Variants in IMMP2L observed in about 807,000 individuals in gnomAD.
The protein encoded by IMMP2L is mitochondrial inner membrane protease subunit 2.
In IMMP2L, 18 loss-of-function variants were observed where a neutral mutation model predicts 19.3. The ratio of observed to expected loss-of-function variants is 0.93; its 90% confidence interval spans 0.64 to 1.38. The LOEUF is 1.38. Ranked by LOEUF, IMMP2L falls within the 40% of genes most tolerant of loss-of-function variation. IMMP2L has a pLI of 0.00. For missense variants in IMMP2L, 233 were observed against 218.2 expected, an observed-to-expected ratio of 1.07 and a Z score of -0.43; for synonymous variants, 76 against 73.0, an observed-to-expected ratio of 1.04 and a Z score of -0.21.
intron 3 of IMMP2L, among the ~76,000 whole-genome samples, chr7:111,316,665 G>A (rs1201299026): frequency 1.3e-5 from 2 of 151,718 alleles, no homozygotes; most frequent in African/African-American, 4.8e-5. Flanking sequence ...GGAAAATAAA[G>A]TAATATGCAA....
chr7:111,166,948 C>T (rs1805885683), intron 3 of IMMP2L, among the ~76,000 whole-genome samples: 2 of 151,922 alleles, frequency 1.3e-5, no homozygotes, highest in African/African-American at 2.4e-5. Flanking sequence ...ATTGCATCTG[C>T]AAAGATTCCT....
chr7:111,465,625 A>T (rs1840575521), intron 3 of IMMP2L, among the ~76,000 whole-genome samples: 1 of 152,172 alleles, frequency 6.6e-6, no homozygotes, highest in South Asian at 2.1e-4. Context: ...CCACAATGAG[A>T]TACCATCTCA....
intron 5 of IMMP2L, among the ~76,000 whole-genome samples, chr7:110,837,510 C>T (rs10280436): frequency 0.81 from 122,833 of 152,066 alleles, 49,861 homozygotes; most frequent in African/African-American, 0.85. Flanking sequence ...TTAACACTTG[C>T]TACACAAAGA....
chr7:111,250,720 G>GA (rs1816005610), intron 3 of IMMP2L, among the ~76,000 whole-genome samples: 1 of 152,050 alleles, frequency 6.6e-6, no homozygotes, highest in Non-Finnish European at 1.5e-5. Context: ...ATTAAAACTG[G>GA]ACCCCTTCCT....
At chr7:111,273,139 T>A (rs1818656985) in intron 3 of IMMP2L, among the ~76,000 whole-genome samples, 1 of 152,016 alleles carries the variant, frequency 6.6e-6, no homozygotes, top group Non-Finnish European at 1.5e-5. Context: ...TCACTGGGCA[T>A]GGTGGCGGGC....
intron 3 of IMMP2L, among the ~76,000 whole-genome samples, chr7:111,321,803 G>A (rs1295695613): frequency 6.6e-6 from 1 of 151,856 alleles, no homozygotes; most frequent in African/African-American, 2.4e-5. Context: ...TTAATTAAAA[G>A]GAATGGAACT....
At chr7:110,961,358 A>C (rs1461201536) in intron 4 of IMMP2L, among the ~76,000 whole-genome samples, 1 of 151,830 alleles carries the variant, frequency 6.6e-6, no homozygotes, top group Non-Finnish European at 1.5e-5. Context: ...ACTTATTCCT[A>C]ATACAATATA....
At chr7:111,460,807 TAA>T (rs1840071477) in intron 3 of IMMP2L, among the ~76,000 whole-genome samples, 1 of 152,048 alleles carries the variant, frequency 6.6e-6, no homozygotes, top group Non-Finnish European at 1.5e-5. Flanking sequence ...ATGGTCAATA[TAA>T]AAATATGGAC....
At chr7:111,038,678 G>A (rs988514754) in intron 3 of IMMP2L, among the ~76,000 whole-genome samples, 4 of 152,040 alleles carry the variant, frequency 2.6e-5, no homozygotes, top group African/African-American at 9.7e-5. Flanking sequence ...AGAAAAGGGA[G>A]TACATTGTTT....
intron 3 of IMMP2L, among the ~76,000 whole-genome samples, chr7:111,023,816 T>G (rs1283338475): frequency 6.6e-6 from 1 of 152,234 alleles, no homozygotes. Context: ...TAGAGAGTTA[T>G]GAAACCATTT....
At chr7:110,972,120 T>G (rs2129556713) in intron 3 of IMMP2L, among the ~76,000 whole-genome samples, 1 of 152,068 alleles carries the variant, frequency 6.6e-6, no homozygotes, top group South Asian at 2.1e-4. Context: ...AAGGTCAACT[T>G]TATGCCCCCA....
At chr7:110,762,644 A>G (rs1479356213) in intron 5 of IMMP2L, among the ~76,000 whole-genome samples, 1 of 152,124 alleles carries the variant, frequency 6.6e-6, no homozygotes, top group Non-Finnish European at 1.5e-5. Flanking sequence ...GGGAGGGCAG[A>G]GGTCAGAGGC....
intron 3 of IMMP2L, among the ~76,000 whole-genome samples, chr7:111,356,471 T>C (rs952012607): frequency 6.6e-6 from 1 of 152,170 alleles, no homozygotes; most frequent in Non-Finnish European, 1.5e-5. Context: ...CTATGTTATA[T>C]CAGGGATTTG....
At chr7:111,301,108 G>C (rs1822188830) in intron 3 of IMMP2L, among the ~76,000 whole-genome samples, 1 of 152,028 alleles carries the variant, frequency 6.6e-6, no homozygotes, top group South Asian at 2.1e-4. Context: ...ACCAGCACTT[G>C]ATGTTGTTAC....
intron 5 of IMMP2L, among the ~76,000 whole-genome samples, chr7:110,795,921 C>T (rs992473307): frequency 2.0e-5 from 3 of 152,020 alleles, no homozygotes; most frequent in African/African-American, 7.2e-5. Flanking sequence ...TGTGTCCCCA[C>T]CCAAATCTGA....
intron 3 of IMMP2L, among the ~76,000 whole-genome samples, chr7:111,270,057 C>CTGTGTGTGTGTGTGTGTGTG (rs58848663): frequency 5.0e-5 from 7 of 140,624 alleles, no homozygotes; most frequent in African/African-American, 1.8e-4. Context: ...GCATGTGTGT[C>CTGTGTGTGTGTGTGTGTGTG]TGTGTGTGTG....
chr7:110,774,053 A>T (rs1289272683), intron 5 of IMMP2L, among the ~76,000 whole-genome samples: 1 of 152,016 alleles, frequency 6.6e-6, no homozygotes, highest in Non-Finnish European at 1.5e-5. Context: ...CTTGTATCCA[A>T]CAATACTATG....
At chr7:111,326,959 C>T (rs929975376) in intron 3 of IMMP2L, among the ~76,000 whole-genome samples, 2 of 151,702 alleles carry the variant, frequency 1.3e-5, no homozygotes, top group South Asian at 4.1e-4. Flanking sequence ...ATGGAATCAA[C>T]CTAAGTGTCC....
chr7:111,289,964 C>T (rs1007778030), intron 3 of IMMP2L, among the ~76,000 whole-genome samples: 15 of 152,104 alleles, frequency 9.9e-5, no homozygotes, highest in African/African-American at 3.6e-4. Context: ...AGTTAACACT[C>T]TCTTAACATC....
Sources: gnomAD v4.1 joint callset for allele counts (sites outside exome capture counted in the v4.1 genomes callset) on GRCh38, gnomAD v4.1.1 for gene constraint, MANE v1.5 for transcripts, NCBI Gene and HGNC (gene_info 2026-07-23, HGNC 2026-07-21) for gene names.